Variants in TOM1L1 observed in about 807,000 individuals in gnomAD.
TOM1L1 encodes the protein target of myb1 like 1 membrane trafficking protein.
A neutral mutation model predicts 63.4 loss-of-function variants in TOM1L1; 64 were observed. The observed-to-expected ratio is 1.01, with a 90% CI of 0.83 to 1.24. The LOEUF is 1.24. Among genes scored for constraint, TOM1L1 ranks in the 50% most tolerant of loss-of-function variants. TOM1L1 has a pLI of 0.00. For synonymous variants in TOM1L1, 166 were observed against 194.4 expected, an observed-to-expected ratio of 0.85 and a Z score of 1.22; for missense variants, 536 against 567.0, an observed-to-expected ratio of 0.95 and a Z score of 0.55.
At chr17:54,925,632 G>A (rs1299412329) in intron 7 of TOM1L1, among the ~76,000 whole-genome samples, 2 of 152,212 alleles carry the variant, frequency 1.3e-5, no homozygotes, top group Admixed American at 6.5e-5. Context: ...GGCCAGATGC[G>A]ATGGAGCACG....
chr17:54,935,823 A>G (rs889707905), intron 8 of TOM1L1, among the ~76,000 whole-genome samples: 3 of 152,170 alleles, frequency 2.0e-5, no homozygotes, highest in Non-Finnish European at 4.4e-5. Context: ...TAAGTGTCTT[A>G]TAAAAATACA....
At chr17:54,960,003 C>A (rs1376172174) in intron 14 of TOM1L1, among the ~76,000 whole-genome samples, 1 of 152,084 alleles carries the variant, frequency 6.6e-6, no homozygotes, top group East Asian at 1.9e-4. Context: ...AGTCATATTT[C>A]TCATTTCAAT....
At chr17:54,960,680 T>C in intron 15 of TOM1L1, 53 bp downstream of exon 15, 1 of 1,334,046 alleles carries the variant, frequency 7.5e-7, no homozygotes, top group Non-Finnish European at 1.1e-6. Context: ...AATTTCAGTA[T>C]AATTATCACT....
In TOM1L1 at chr17:54,919,985, G is replaced by GATTTATTT. The variant is rs377199384; in HGVS notation, c.720+4140_720+4147dup. On this transcript the variant is annotated intron_variant, in intron 7 of 15. Coordinates refer to ENST00000575882, the MANE Select transcript of TOM1L1 (RefSeq NM_005486.3). ...GTGTTTTTGGTTTTGGTTTTTTATT[G>GATTTATTT]ATTTATTTATTTATTTATTTATTTT... Among the ~76,000 whole-genome samples the GATTTATTT allele has an allele frequency of 4.0e-3, 607 of 150,956 alleles. 5 individuals carry two copies. The highest frequency in any genetic ancestry group is 0.011 in the African/African-American group (463 of 41,292).
chr17:54,915,473 T>C (rs2048571625), intron 6 of TOM1L1, among the ~76,000 whole-genome samples: 1 of 152,140 alleles, frequency 6.6e-6, no homozygotes, highest in Non-Finnish European at 1.5e-5. Context: ...CCTCTCCATA[T>C]TGGGTTCTAA....
intron 14 of TOM1L1, chr17:54,953,833 A>G (rs991758625): frequency 1.3e-5 from 2 of 152,150 alleles, no homozygotes; most frequent in African/African-American, 4.8e-5. Flanking sequence ...TTTTCTCTGA[A>G]TATCTGGGGC....
At chr17:54,942,260 C>T (rs71385374) in intron 11 of TOM1L1, 2 of 101,586 alleles carry the variant, frequency 2.0e-5, no homozygotes, top group Non-Finnish European at 3.9e-5. Flanking sequence ...CCACACCCAT[C>T]TAATTTTTTT....
chr17:54,939,251 A>G (rs2048999892), intron 11 of TOM1L1, among the ~76,000 whole-genome samples: 3 of 152,182 alleles, frequency 2.0e-5, no homozygotes, highest in African/African-American at 4.8e-5. Flanking sequence ...GCATATGCCT[A>G]TAATTCCAAC....
At chr17:54,925,923 A>AC (rs1392124485) in intron 7 of TOM1L1, among the ~76,000 whole-genome samples, 120 of 152,144 alleles carry the variant, frequency 7.9e-4, no homozygotes, top group African/African-American at 2.6e-3. Flanking sequence ...CAACAACAAA[A>AC]AAAAAAGCAG....
chr17:54,948,834 G>A (rs2049162554), intron 12 of TOM1L1, among the ~76,000 whole-genome samples: 1 of 152,142 alleles, frequency 6.6e-6, no homozygotes, highest in African/African-American at 2.4e-5. Context: ...TCCTGATTTT[G>A]TTGTGTCACT....
Position 54,937,106 on chromosome 17 carries a change from C to A in TOM1L1, c.916-3C>A. 3.4e-6 allele frequency: 5 copies of A among 1,488,372 alleles called. No homozygotes were observed. Among genetic ancestry groups the A allele is most frequent in the Non-Finnish European group, 4.5e-6 (5 of 1,105,038 alleles). 92.2% of individuals were successfully genotyped at this position (1,488,372 alleles called of 1,614,324 possible). ...CTTTTTTTTTTTTTTGCTTTGTTTT[C>A]AGACTACCAGTGAGCCTTCTGCCCC... is the stretch of plus-strand genomic sequence containing the variant. On this transcript the variant is annotated splice_region_variant and splice_polypyrimidine_tract_variant and intron_variant, in intron 9 of 15. Transcript: ENST00000575882.
chr17:54,901,047 C>G (rs947976878), intron 1 of TOM1L1, 124 bp downstream of exon 1: 3 of 1,339,784 alleles, frequency 2.2e-6, no homozygotes, highest in Admixed American at 4.2e-5. Context: ...TCCCCTCCCC[C>G]CGCAACTTTC....
chr17:54,946,257 T>C (rs896514620), intron 11 of TOM1L1, among the ~76,000 whole-genome samples: 1 of 152,182 alleles, frequency 6.6e-6, no homozygotes, highest in East Asian at 1.9e-4. Context: ...GAGCTCAGTA[T>C]TTCATAAACA....
chr17:54,952,079 T>C lies in TOM1L1; in HGVS notation c.1370+1953T>C, dbSNP rs531296967. ...ATGTTTTAGGGTCTCCCAGGATAGG[T>C]TGCAAAGGCACCTACAGTTGAAATT... On this transcript the variant is annotated intron_variant, in intron 14 of 15. Transcript: ENST00000575882. 8 of 152,258 alleles carry C rather than the reference T, an allele frequency of 5.3e-5. No homozygotes were observed. In the South Asian group the frequency reaches 6.2e-4, roughly 12 times the overall value. 9.4% of individuals were successfully genotyped at this position (152,258 alleles called of 1,614,324 possible). A position where few individuals can be genotyped will look rare whatever the true frequency, so the allele number is the denominator to read the frequency against.
chr17:54,927,035 A>T (rs1435932763), intron 7 of TOM1L1, among the ~76,000 whole-genome samples: 3 of 152,226 alleles, frequency 2.0e-5, no homozygotes, highest in Non-Finnish European at 4.4e-5. Flanking sequence ...GAAGAGTTGG[A>T]AGGACTTTAA....
chr17:54,943,169 G>A (rs73990214), intron 11 of TOM1L1, among the ~76,000 whole-genome samples: 2 of 152,028 alleles, frequency 1.3e-5, no homozygotes, highest in South Asian at 4.1e-4. Flanking sequence ...CATTTTACTT[G>A]TAACTTAACT....
intron 7 of TOM1L1, among the ~76,000 whole-genome samples, chr17:54,917,909 G>C (rs2048618256): frequency 6.6e-6 from 1 of 152,158 alleles, no homozygotes; most frequent in Admixed American, 6.6e-5. Flanking sequence ...CTAGTGCCTA[G>C]AAATAATACC....
At position 54,929,922 on chromosome 17, in the gene TOM1L1, A is replaced by G. The variant is rs1054727504; in HGVS notation, c.721-151A>G. 1.6e-4 allele frequency: 137 copies of G among 841,476 alleles called. 2 individuals carry two copies. In the South Asian group the frequency reaches 2.3e-3, roughly 14 times the overall value. The allele number at this position is 841,476 out of a possible 1,614,324, so 52.1% of individuals were successfully genotyped here. The stretch of plus-strand genomic sequence containing the variant: ...TATGACTCACTGCCTTCCAATAGGA[A>G]GGATAAGCTGTTTATAGTTAAGTAC... On this transcript the variant is annotated intron_variant, in intron 7 of 15. Transcript: ENST00000575882.
intron 12 of TOM1L1, among the ~76,000 whole-genome samples, chr17:54,948,714 C>T (rs938327189): frequency 3.9e-5 from 6 of 152,306 alleles, no homozygotes; most frequent in Middle Eastern, 3.4e-3. Flanking sequence ...TTGTTTATTG[C>T]TTTATTAATA....
Sources: gnomAD v4.1 joint callset for allele counts (sites outside exome capture counted in the v4.1 genomes callset) on GRCh38, gnomAD v4.1.1 for gene constraint, MANE v1.5 for transcripts, NCBI Gene and HGNC (gene_info 2026-07-23, HGNC 2026-07-21) for gene names.